Variants in EPHA7 observed in about 807,000 individuals in gnomAD.
EPHA7 encodes the protein EPH receptor A7.
In EPHA7, 25 loss-of-function variants were observed where a neutral mutation model predicts 112.6. The observed-to-expected ratio is 0.22, with a 90% CI of 0.16 to 0.31. EPHA7 has a LOEUF of 0.31. Among genes scored for constraint, EPHA7 ranks in the 10% least tolerant of loss-of-function variants. EPHA7 has a pLI of 1.00. For missense variants in EPHA7, 962 were observed against 1,212.6 expected (o/e 0.79, Z 3.07); for synonymous variants, 437 against 406.5 (o/e 1.07, Z -0.90).
chr6:93,386,671 AG>A (rs1300874524), intron 3 of EPHA7, among the ~76,000 whole-genome samples: 1 of 151,200 alleles, frequency 6.6e-6, no homozygotes. Flanking sequence ...ACCCTAGCAG[AG>A]GTTCTCCACG....
chr6:93,384,361 A>G (rs1299147846), intron 3 of EPHA7, among the ~76,000 whole-genome samples: 1 of 152,096 alleles, frequency 6.6e-6, no homozygotes, highest in African/African-American at 2.4e-5. Context: ...GTATTCAGTA[A>G]TAACTTTAAC....
At chr6:93,247,052 G>A (rs1009699233) in intron 14 of EPHA7, 67 bp from the exon 15 acceptor site, 15 of 1,318,770 alleles carry the variant, frequency 1.1e-5, no homozygotes, top group African/African-American at 5.9e-5. Flanking sequence ...CAAATTTCCT[G>A]GTAGGCAAAA....
chr6:93,260,492 T>C (rs1023519437), intron 9 of EPHA7: 33 of 937,896 alleles, frequency 3.5e-5, no homozygotes, highest in Non-Finnish European at 4.2e-5. Context: ...AAAAAAACTT[T>C]ATTGTTTTAA....
intron 2 of EPHA7, among the ~76,000 whole-genome samples, chr6:93,413,944 C>T (rs1430433453): frequency 6.6e-6 from 1 of 151,808 alleles, no homozygotes; most frequent in Non-Finnish European, 1.5e-5. Context: ...TCAAAGCCCT[C>T]TTACTTGATA....
chr6:93,378,107 A>G lies in EPHA7; in HGVS notation c.833-19696T>C, dbSNP rs536516740. On this transcript the variant is annotated intron_variant, in intron 3 of 16. Transcript: ENST00000369303. ...ATGTAAGAGATATTCAAGAGACTGG[A>G]AAGAGACAATTCATAGGCAAATAAC... Among the ~76,000 whole-genome samples the G allele has an allele frequency of 1.4e-4, 21 of 152,170 alleles. No individual in the cohort carries two copies. In the South Asian group the frequency reaches 1.9e-3, roughly 14 times the overall value.
intron 5 of EPHA7, among the ~76,000 whole-genome samples, chr6:93,328,684 T>A (rs1229227176): frequency 6.6e-6 from 1 of 151,338 alleles, no homozygotes; most frequent in Non-Finnish European, 1.5e-5. Flanking sequence ...TTTTAATGCA[T>A]CAAAGGGGCA....
At chr6:93,263,480 C>T (rs1770784167) in intron 9 of EPHA7, among the ~76,000 whole-genome samples, 1 of 151,212 alleles carries the variant, frequency 6.6e-6, no homozygotes, top group South Asian at 2.1e-4. Context: ...GGTAGCATCA[C>T]TCATTGGATT....
At chr6:93,365,150 C>T (rs1283255746) in intron 3 of EPHA7, among the ~76,000 whole-genome samples, 2 of 152,122 alleles carry the variant, frequency 1.3e-5, no homozygotes, top group Non-Finnish European at 2.9e-5. Context: ...TTAAGCACAA[C>T]TGAACATTTT....
intron 3 of EPHA7, among the ~76,000 whole-genome samples, chr6:93,393,391 T>C (rs1223390282): frequency 3.3e-5 from 5 of 151,826 alleles, no homozygotes; most frequent in Non-Finnish European, 7.4e-5. Context: ...ATTGTTAAAT[T>C]AGTATATGAA....
At chr6:93,286,897 A>G (rs1772092506) in intron 5 of EPHA7, among the ~76,000 whole-genome samples, 1 of 152,164 alleles carries the variant, frequency 6.6e-6, no homozygotes, top group South Asian at 2.1e-4. Context: ...CAGTGACAGA[A>G]GTCATTTACT....
intron 5 of EPHA7, among the ~76,000 whole-genome samples, chr6:93,274,043 A>G (rs1188235854): frequency 6.6e-6 from 1 of 152,018 alleles, no homozygotes; most frequent in African/African-American, 2.4e-5. Flanking sequence ...AGAATACTGC[A>G]ATGGTTAACA....
Position 93,272,419 on chromosome 6 carries a change from G to C in EPHA7, c.1328C>G (p.Pro443Arg). The stretch of plus-strand genomic sequence containing the variant: ...CTTCATTACTCCACTCACTTGCGAG[G>C]GAGCTGTTTGGACAAGATGTGTCAA... ...AVSITTGQAA[P>R]SQVSGVMKER... The change falls in exon 6 of 17, where the codon CCC becomes CGC. Residue 443 changes from proline to arginine, a missense_variant. Coordinates refer to ENST00000369303, the MANE Select transcript of EPHA7 (RefSeq NM_004440.4). 1 of 1,611,398 alleles carries C rather than the reference G, an allele frequency of 6.2e-7. No individual in the cohort carries two copies. The highest frequency in any genetic ancestry group is 8.5e-7 in the Non-Finnish European group (1 of 1,178,220).
At chr6:93,352,964 T>C (rs942904143) in intron 5 of EPHA7, among the ~76,000 whole-genome samples, 3 of 151,918 alleles carry the variant, frequency 2.0e-5, no homozygotes, top group African/African-American at 7.3e-5. Flanking sequence ...AGGGAGAGGA[T>C]TAGCAAAAAT....
At chr6:93,366,765 C>A (rs1562128872) in intron 3 of EPHA7, among the ~76,000 whole-genome samples, 1 of 152,126 alleles carries the variant, frequency 6.6e-6, no homozygotes, top group Admixed American at 6.5e-5. Context: ...TGTGCACATT[C>A]ATTTTGGTTC....
chr6:93,282,184 G>A (rs1420851630), intron 5 of EPHA7, among the ~76,000 whole-genome samples: 10 of 152,092 alleles, frequency 6.6e-5, no homozygotes, highest in African/African-American at 2.2e-4. Flanking sequence ...CAGGGTCCAT[G>A]AGAAGGAAAC....
intron 3 of EPHA7, among the ~76,000 whole-genome samples, chr6:93,361,628 C>G (rs2127950844): frequency 6.6e-6 from 1 of 152,196 alleles, no homozygotes; most frequent in Non-Finnish European, 1.5e-5. Flanking sequence ...TCTCCTCTCT[C>G]TAAATGCAGC....
At chr6:93,351,258 T>A (rs1775678987) in intron 5 of EPHA7, among the ~76,000 whole-genome samples, 1 of 151,974 alleles carries the variant, frequency 6.6e-6, no homozygotes, top group African/African-American at 2.4e-5. Flanking sequence ...GGTAGAGCAC[T>A]CCCCATGGAG....
Position 93,384,115 on chromosome 6 carries a change from A to G in EPHA7, c.833-25704T>C, listed in dbSNP as rs1272054261. On this transcript the variant is annotated intron_variant, in intron 3 of 16. Transcript: ENST00000369303. The stretch of plus-strand genomic sequence containing the variant: ...ATTATTGACCAAGTTAGTTTGGCTG[A>G]AGTGAATTTGGCTTAAAAAGAATAG... 2.0e-5 allele frequency among the ~76,000 whole-genome samples: 3 copies of G among 152,188 alleles called. No homozygotes were observed. In the East Asian group the frequency reaches 5.8e-4, roughly 29 times the overall value.
intron 3 of EPHA7, among the ~76,000 whole-genome samples, chr6:93,405,809 GTGTGTATATATATA>G (rs1204756639): frequency 9.3e-4 from 57 of 61,612 alleles, no homozygotes; most frequent in African/African-American, 4.5e-3. Flanking sequence ...GTGTGTGTGT[GTGTGTATATATATA>G]TATATATATA....
Sources: gnomAD v4.1 joint callset for allele counts (sites outside exome capture counted in the v4.1 genomes callset) on GRCh38, gnomAD v4.1.1 for gene constraint, MANE v1.5 for transcripts, NCBI Gene and HGNC (gene_info 2026-07-23, HGNC 2026-07-21) for gene names.